The following PCDHGB7 variants were observed in gnomAD, a reference collection of about 807,000 sequenced individuals.
PCDHGB7 encodes protocadherin gamma subfamily B, 7.
Under a neutral mutation model 61.4 loss-of-function variants are expected in PCDHGB7, and 37 were observed. The observed-to-expected ratio is 0.60, with a 90% CI of 0.46 to 0.79. PCDHGB7 has a LOEUF of 0.79. Among genes scored for constraint, PCDHGB7 ranks in the 30% least tolerant of loss-of-function variants. The pLI, the probability that PCDHGB7 is intolerant of heterozygous loss-of-function variation, is 0.00. For synonymous variants in PCDHGB7, 464 were observed against 503.5 expected (o/e 0.92, Z 1.05); for missense variants, 1,166 against 1,202.5 (o/e 0.97, Z 0.45).
Position 141,419,779 on chromosome 5 carries a change from G to A in PCDHGB7, c.1920G>A (p.Gln640=), listed in dbSNP as rs1439735185. 2 of 1,614,064 alleles carry A rather than the reference G, an allele frequency of 1.2e-6. No individual in the cohort carries two copies. Among genetic ancestry groups the A allele is most frequent in the Non-Finnish European group, 8.5e-7 (1 of 1,179,908 alleles). Residue 640 remains glutamine (Q), a synonymous_variant, in exon 1 of 4, where the codon CAG becomes CAA. Coordinates refer to ENST00000398594, the MANE Select transcript of PCDHGB7 (RefSeq NM_018927.4). ...RALGDKDSVR[Q]RLLVAVRDGG... The stretch of plus-strand genomic sequence containing the variant: ...TGGGTGACAAGGACTCGGTCCGCCA[G>A]CGCCTGCTAGTCGCTGTAAGAGATG...
Position 141,437,685 on chromosome 5 carries a change from G to A in PCDHGB7, c.2415+17411G>A, listed in dbSNP as rs116699614. ...GAAGAGATGTTGATCAAACTGATGA[G>A]GCTAAATCTCAAGAAAGAGACACAG... On this transcript the variant is annotated intron_variant, in intron 1 of 3. Coordinates refer to ENST00000398594, the MANE Select transcript of PCDHGB7 (RefSeq NM_018927.4). Among the ~76,000 whole-genome samples the A allele has an allele frequency of 1.0e-2, 1,519 of 151,976 alleles. 34 individuals carry two copies. The highest frequency in any genetic ancestry group is 0.034 in the African/African-American group (1,425 of 41,440).
chr5:141,496,959 G>C (rs1451127360), intron 2 of PCDHGB7, among the ~76,000 whole-genome samples: 2 of 151,894 alleles, frequency 1.3e-5, no homozygotes, highest in Non-Finnish European at 2.9e-5. Flanking sequence ...GCCAAGGTGG[G>C]TAGATCACTT....
In PCDHGB7 at chr5:141,422,057, A is replaced by T. The variant is rs1356083259; in HGVS notation, c.2415+1783A>T. 3.1e-6 allele frequency: 5 copies of T among 1,611,974 alleles called. No individual in the cohort carries two copies. The South Asian group carries it at 5.5e-5, about 18-fold the overall frequency. On this transcript the variant is annotated intron_variant, in intron 1 of 3. Transcript: ENST00000398594. The stretch of plus-strand genomic sequence containing the variant: ...GATCCAGACGAGGGAATCAACGGGG[A>T]AGTAATGTATTCATTTCGGAACATG...
intron 1 of PCDHGB7, chr5:141,421,033 C>T (rs915028623): frequency 2.4e-5 from 13 of 533,788 alleles, no homozygotes; most frequent in Non-Finnish European, 6.5e-6. Context: ...CCATTGAGTC[C>T]CTCCCTCCCC....
At chr5:141,458,787 C>A (rs968490647) in intron 1 of PCDHGB7, among the ~76,000 whole-genome samples, 1 of 152,004 alleles carries the variant, frequency 6.6e-6, no homozygotes, top group African/African-American at 2.4e-5. Flanking sequence ...GGCTGGAGTG[C>A]AGTGGTGTGA....
intron 1 of PCDHGB7, among the ~76,000 whole-genome samples, chr5:141,457,343 T>C (rs1372992422): frequency 6.6e-6 from 1 of 152,240 alleles, no homozygotes; most frequent in African/African-American, 2.4e-5. Flanking sequence ...TTACTTACTT[T>C]CATTACCTGG....
chr5:141,453,545 A>T (rs2098768582), intron 1 of PCDHGB7, among the ~76,000 whole-genome samples: 1 of 151,998 alleles, frequency 6.6e-6, no homozygotes, highest in African/African-American at 2.4e-5. Flanking sequence ...TTCACACCAC[A>T]CTCTGTAGAT....
chr5:141,422,140 C>T (rs1275997338), intron 1 of PCDHGB7: 15 of 1,586,774 alleles, frequency 9.5e-6, no homozygotes, highest in Non-Finnish European at 1.3e-5. Flanking sequence ...AGTTCAAGTA[C>T]GGGGGTCTCT....
intron 1 of PCDHGB7, among the ~76,000 whole-genome samples, chr5:141,479,060 T>G (rs980468382): frequency 5.9e-5 from 9 of 152,248 alleles, no homozygotes; most frequent in Non-Finnish European, 1.3e-4. Context: ...CAGATAATTT[T>G]TTATGAATGA....
chr5:141,428,609 A>G, intron 1 of PCDHGB7: 1 of 215,052 alleles, frequency 4.7e-6, no homozygotes, highest in South Asian at 7.9e-5. Context: ...ACTGAAGAGA[A>G]TAACAAGATA....
At chr5:141,483,425 G>A (rs1460083757) in intron 1 of PCDHGB7, among the ~76,000 whole-genome samples, 1 of 152,116 alleles carries the variant, frequency 6.6e-6, no homozygotes, top group Non-Finnish European at 1.5e-5. Flanking sequence ...ACAGATGGAG[G>A]GAGCTGACTA....
At chr5:141,442,033 G>T (rs2098292928) in intron 1 of PCDHGB7, 1 of 209,534 alleles carries the variant, frequency 4.8e-6, no homozygotes, top group Non-Finnish European at 9.8e-6. Context: ...AAAGCGACTC[G>T]CCAGCGCCTA....
Position 141,511,565 on chromosome 5 carries a change from AG to A in PCDHGB7, c.*393del, listed in dbSNP as rs2099883852. 6.8e-6 allele frequency: 2 copies of A among 296,092 alleles called. No homozygotes were observed. Among genetic ancestry groups the A allele is most frequent in the South Asian group, 7.4e-5 (2 of 26,988 alleles). The allele number at this position is 296,092 out of a possible 1,614,324, so 18.3% of individuals were successfully genotyped here. On this transcript the variant is annotated 3_prime_UTR_variant, in exon 4 of 4. Transcript: ENST00000398594. ...CCACTCCAACAGTTCCTCTTTCCCG[AG>A]TAAGGTGGTTGGGGTGTTGAAGTAC...
chr5:141,432,521 G>A lies in PCDHGB7; in HGVS notation c.2415+12247G>A. The stretch of plus-strand genomic sequence containing the variant: ...CCGCTCCGCAGAGCCCGGCTACCTG[G>A]TGACCAAGGTGGTGGCGGTGGACAG... On this transcript the variant is annotated intron_variant, in intron 1 of 3. Coordinates refer to ENST00000398594, the MANE Select transcript of PCDHGB7 (RefSeq NM_018927.4). The surrounding 1 kb of genome is among the most constrained non-coding windows in gnomAD (Gnocchi z 6.0). The A allele has an allele frequency of 6.2e-7, 1 of 1,614,112 alleles. No homozygotes were observed. Among genetic ancestry groups the A allele is most frequent in the Non-Finnish European group, 8.5e-7 (1 of 1,180,028 alleles).
intron 1 of PCDHGB7, among the ~76,000 whole-genome samples, chr5:141,482,410 T>G (rs1054330181): frequency 2.3e-4 from 35 of 151,890 alleles, no homozygotes; most frequent in Non-Finnish European, 1.0e-4. Flanking sequence ...AATAACTATT[T>G]GTTGAACTAA....
At chr5:141,508,815 C>T (rs1190983144) in intron 3 of PCDHGB7, among the ~76,000 whole-genome samples, 1 of 152,138 alleles carries the variant, frequency 6.6e-6, no homozygotes, top group East Asian at 1.9e-4. Context: ...TCTTTGAAGC[C>T]AGATCTGGGC....
intron 2 of PCDHGB7, among the ~76,000 whole-genome samples, chr5:141,500,877 A>AT (rs369345007): frequency 0.053 from 6,532 of 122,188 alleles, 326 homozygotes; most frequent in Admixed American, 0.19. Context: ...TTCATTTACA[A>AT]TTTTTTTTTT....
chr5:141,437,945 C>A (rs1204633193), intron 1 of PCDHGB7, among the ~76,000 whole-genome samples: 1 of 152,112 alleles, frequency 6.6e-6, no homozygotes, highest in Non-Finnish European at 1.5e-5. Flanking sequence ...ACCATATTGG[C>A]CAGAATGGTC....
rs759272109 is a variant in PCDHGB7, at chr5:141,420,170, G to A, written c.2311G>A (p.Val771Ile). ...MNPEFNFFTSVDHCPATQDNL... is the reference protein window; with the variant it reads ...MNPEFNFFTSIDHCPATQDNL... ...TCCAGAATTTAATTTTTTCACATCTGTTGATCATTGTCCAGCCACACAAGA... is the reference window on the plus strand; with the variant it reads ...TCCAGAATTTAATTTTTTCACATCTATTGATCATTGTCCAGCCACACAAGA... The change falls in exon 1 of 4, where the codon GTT becomes ATT. Residue 771 changes from valine (V) to isoleucine (I), a missense_variant. Coordinates refer to ENST00000398594, the MANE Select transcript of PCDHGB7 (RefSeq NM_018927.4). 22 of 1,613,846 alleles carry A rather than the reference G, an allele frequency of 1.4e-5. No homozygotes were observed. Among genetic ancestry groups the A allele is most frequent in the Non-Finnish European group, 1.8e-5 (21 of 1,179,888 alleles).
Sources: allele counts gnomAD v4.1 joint callset (sites outside exome capture counted in the v4.1 genomes callset), GRCh38; gene constraint gnomAD v4.1.1; non-coding constraint Gnocchi (gnomAD v3.1); transcripts MANE v1.5; gene names NCBI Gene and HGNC (gene_info 2026-07-23, HGNC 2026-07-21).